CACNB2: variants seen among roughly 807,000 people sequenced by gnomAD.
The protein encoded by CACNB2 is voltage-dependent L-type calcium channel subunit beta-2.
CACNB2 carries 42 observed loss-of-function variants against 73.3 expected under a neutral mutation model. That is an observed-to-expected ratio of 0.57 (90% confidence interval 0.45 to 0.74). The LOEUF (loss-of-function observed/expected upper bound fraction) is 0.74, where lower values mean the gene tolerates loss of function less well. Ranked by LOEUF, CACNB2 falls within the 30% of genes least tolerant of loss-of-function variation. The pLI, the probability that CACNB2 is intolerant of heterozygous loss-of-function variation, is 0.00. For synonymous variants in CACNB2, 348 were observed against 310.3 expected (o/e 1.12, Z -1.28); for missense variants, 940 against 853.0 (o/e 1.10, Z -1.27).
chr10:18,428,460 G>A (rs1370850811), intron 3 of CACNB2, among the ~76,000 whole-genome samples: 1 of 152,160 alleles, frequency 6.6e-6, no homozygotes, highest in East Asian at 1.9e-4. Context: ...GCCAAGGCGG[G>A]CAGATCACTT....
intron 2 of CACNB2, among the ~76,000 whole-genome samples, chr10:18,288,240 C>T (rs1009913095): frequency 2.0e-5 from 3 of 152,198 alleles, no homozygotes; most frequent in Non-Finnish European, 4.4e-5. Context: ...AAACCCATAA[C>T]AACATCAGAA....
chr10:18,495,544 ACTG>A (rs1201149232), intron 3 of CACNB2, among the ~76,000 whole-genome samples: 3 of 123,600 alleles, frequency 2.4e-5, no homozygotes, highest in African/African-American at 1.0e-4. Context: ...AAGTATAAAA[ACTG>A]TGTGTGTGTG....
At chr10:18,166,659 G>A (rs563261761) in intron 2 of CACNB2, among the ~76,000 whole-genome samples, 30 of 152,290 alleles carry the variant, frequency 2.0e-4, no homozygotes, top group African/African-American at 6.5e-4. Context: ...CAGGACAGAG[G>A]AGAGGAGAGT....
intron 3 of CACNB2, among the ~76,000 whole-genome samples, chr10:18,420,279 C>T (rs1204613954): frequency 6.6e-6 from 1 of 151,830 alleles, no homozygotes; most frequent in Non-Finnish European, 1.5e-5. Context: ...TCTGGGTTCT[C>T]CAGATAAACA....
chr10:18,376,332 C>T (rs1232372259), intron 2 of CACNB2, among the ~76,000 whole-genome samples: 2 of 151,986 alleles, frequency 1.3e-5, no homozygotes, highest in East Asian at 3.9e-4. Context: ...AGAGTAGAAG[C>T]ATGTACCAGA....
chr10:18,152,056 C>T (rs1394317195), intron 2 of CACNB2, among the ~76,000 whole-genome samples: 1 of 152,106 alleles, frequency 6.6e-6, no homozygotes, highest in Non-Finnish European at 1.5e-5. Context: ...CTTATTGGCT[C>T]CTTGTGGCAC....
chr10:18,500,300 A>C (rs1378436818), intron 4 of CACNB2, among the ~76,000 whole-genome samples: 1 of 152,268 alleles, frequency 6.6e-6, no homozygotes, highest in Non-Finnish European at 1.5e-5. Context: ...TAAATTGTCA[A>C]CATCACACAA....
intron 2 of CACNB2, among the ~76,000 whole-genome samples, chr10:18,306,134 GGGAGA>G (rs1162926150): frequency 6.6e-6 from 1 of 152,144 alleles, no homozygotes; most frequent in African/African-American, 2.4e-5. Context: ...TTGTGATCTT[GGGAGA>G]GGAGTTTCAA....
chr10:18,502,773 C>T (rs1281716455), intron 5 of CACNB2, among the ~76,000 whole-genome samples: 2 of 147,946 alleles, frequency 1.4e-5, no homozygotes, highest in Non-Finnish European at 3.0e-5. Context: ...GAACATACAC[C>T]AGGAAGGGAA....
chr10:18,497,316 A>G lies in CACNB2; in HGVS notation c.334-1039A>G, dbSNP rs2049897683. 2.6e-5 allele frequency among the ~76,000 whole-genome samples: 4 copies of G among 152,064 alleles called. No individual in the cohort carries two copies. The South Asian group carries it at 6.2e-4, about 24-fold the overall frequency. ...ATACAATACCACTTAGAACAATACC[A>G]TTTTCACCATTTCTGAGCTTACCTG... is the stretch of plus-strand genomic sequence containing the variant. On this transcript the variant is annotated intron_variant, in intron 3 of 13. Transcript: ENST00000324631.
intron 3 of CACNB2, among the ~76,000 whole-genome samples, chr10:18,480,971 C>T (rs1427093166): frequency 6.6e-6 from 1 of 151,634 alleles, no homozygotes. Flanking sequence ...GCAGACCCCT[C>T]TTACGTACCC....
Position 18,499,453 on chromosome 10 carries a change from A to G in CACNB2, c.456+976A>G, listed in dbSNP as rs1031605312. On this transcript the variant is annotated intron_variant, in intron 4 of 13. Coordinates refer to ENST00000324631, the MANE Select transcript of CACNB2 (RefSeq NM_201596.3). The stretch of plus-strand genomic sequence containing the variant: ...CAACATGGTGAACCCCGTCTCCACT[A>G]AAAATACAAAAATTATCTGGGTGTA... Among the ~76,000 whole-genome samples the G allele has an allele frequency of 4.6e-5, 7 of 152,084 alleles. No individual in the cohort carries two copies. The East Asian group carries it at 1.4e-3, about 30-fold the overall frequency.
intron 2 of CACNB2, among the ~76,000 whole-genome samples, chr10:18,155,375 G>T (rs1005084180): frequency 2.0e-5 from 3 of 152,160 alleles, no homozygotes; most frequent in African/African-American, 7.2e-5. Flanking sequence ...GTAATTTGTG[G>T]ATTGTCTTTG....
At chr10:18,203,895 A>G (rs1184403605) in intron 2 of CACNB2, among the ~76,000 whole-genome samples, 2 of 152,174 alleles carry the variant, frequency 1.3e-5, no homozygotes. Context: ...TGCTTTTGCC[A>G]ATTGTGTTTG....
At chr10:18,418,992 C>G (rs974780683) in intron 3 of CACNB2, among the ~76,000 whole-genome samples, 5 of 152,312 alleles carry the variant, frequency 3.3e-5, no homozygotes, top group Middle Eastern at 3.4e-3. Flanking sequence ...TGTAAGCTTA[C>G]ATTTGAGTCA....
Position 18,538,095 on chromosome 10 carries a change from T to G in CACNB2, c.1303-85T>G, listed in dbSNP as rs1389418916. 3.8e-6 allele frequency: 5 copies of G among 1,299,528 alleles called. No individual in the cohort carries two copies. The African/African-American group carries it at 7.3e-5, about 19-fold the overall frequency. 80.5% of individuals were successfully genotyped at this position (1,299,528 alleles called of 1,614,324 possible). A position where few individuals can be genotyped will look rare whatever the true frequency, so the allele number is the denominator to read the frequency against. The stretch of plus-strand genomic sequence containing the variant: ...AGCAAGTACAAAGGGGTGCAGCTCA[T>G]GAGCCCCTTCCTCCTCTTATGGAGG... On this transcript the variant is annotated intron_variant, in intron 12 of 13. Coordinates refer to ENST00000324631, the MANE Select transcript of CACNB2 (RefSeq NM_201596.3).
chr10:18,273,551 T>C (rs554969244), intron 2 of CACNB2, among the ~76,000 whole-genome samples: 1 of 152,294 alleles, frequency 6.6e-6, no homozygotes, highest in Non-Finnish European at 1.5e-5. Flanking sequence ...GCAGTGCTGA[T>C]GTTCCTCATT....
At chr10:18,498,309 T>C in intron 3 of CACNB2, 46 bp from the exon 4 acceptor site, 1 of 1,611,104 alleles carries the variant, frequency 6.2e-7, no homozygotes, top group Non-Finnish European at 8.5e-7. Flanking sequence ...GGAGGGACAG[T>C]GTTGTTTTGC....
At chr10:18,467,395 C>T (rs559951197) in intron 3 of CACNB2, among the ~76,000 whole-genome samples, 6 of 152,224 alleles carry the variant, frequency 3.9e-5, no homozygotes, top group Middle Eastern at 6.8e-3. Context: ...ACTTTGAGGT[C>T]CACAAATATT....
Sources: allele counts gnomAD v4.1 joint callset (sites outside exome capture counted in the v4.1 genomes callset), GRCh38; gene constraint gnomAD v4.1.1; transcripts MANE v1.5; gene names NCBI Gene and HGNC (gene_info 2026-07-23, HGNC 2026-07-21).